ABCC4: variants seen among roughly 807,000 people sequenced by gnomAD.
ABCC4 encodes ATP-binding cassette sub-family C member 4.
ABCC4 carries 102 observed loss-of-function variants against 168.5 expected under a neutral mutation model. The observed-to-expected ratio is 0.61, with a 90% CI of 0.52 to 0.71. ABCC4 has a LOEUF of 0.71. Among genes scored for constraint, ABCC4 ranks in the 30% least tolerant of loss-of-function variants. ABCC4 has a pLI of 0.00. For missense variants in ABCC4, 1,402 were observed against 1,605.8 expected, an observed-to-expected ratio of 0.87 and a Z score of 2.17; for synonymous variants, 617 against 590.7, an observed-to-expected ratio of 1.04 and a Z score of -0.65.
chr13:95,039,405 T>G (rs1409924725), intron 29 of ABCC4, among the ~76,000 whole-genome samples: 1 of 152,230 alleles, frequency 6.6e-6, no homozygotes, highest in Non-Finnish European at 1.5e-5. Context: ...CTGAATTTTC[T>G]TTTTGTACAG....
rs542037006 is a variant in ABCC4 at position 95,214,743 on chromosome 13, G to A, written c.532-3962C>T. Among the ~76,000 whole-genome samples the A allele has an allele frequency of 1.4e-3, 207 of 152,018 alleles. 1 individual carries two copies. Among genetic ancestry groups the A allele is most frequent in the African/African-American group, 4.8e-3 (197 of 41,448 alleles). ...TCTACTAAAAATACAAAAATTAGCC[G>A]GGCACAGTGGTGGGCACCTGTAATT... is the stretch of plus-strand genomic sequence containing the variant. On this transcript the variant is annotated intron_variant, in intron 4 of 30. Transcript: ENST00000645237.
At chr13:95,181,396 C>T (rs1296591930) in intron 11 of ABCC4, among the ~76,000 whole-genome samples, 2 of 152,236 alleles carry the variant, frequency 1.3e-5, no homozygotes, top group Non-Finnish European at 2.9e-5. Context: ...CCCTTCCTGT[C>T]ATAGCTTATC....
At position 95,021,415 on chromosome 13, in the gene ABCC4, G is replaced by A; in HGVS notation, c.*160C>T. On this transcript the variant is annotated 3_prime_UTR_variant, in exon 31 of 31. Transcript: ENST00000645237. ...AATAAAAATAAACCATTTTGTTAGAGCTGGAGATCCTTGGATAAGTTGGGA... is the reference window on the plus strand; with the variant it reads ...AATAAAAATAAACCATTTTGTTAGAACTGGAGATCCTTGGATAAGTTGGGA... The A allele has an allele frequency of 7.3e-6, 4 of 548,948 alleles. No individual in the cohort carries two copies. The highest frequency in any genetic ancestry group is 9.7e-6 in the Non-Finnish European group (3 of 309,078). 34.0% of individuals were successfully genotyped at this position (548,948 alleles called of 1,614,324 possible). A position where few individuals can be genotyped will look rare whatever the true frequency, so the allele number is the denominator to read the frequency against.
At chr13:95,093,272 C>G (rs764196975) in intron 20 of ABCC4, among the ~76,000 whole-genome samples, 2 of 152,088 alleles carry the variant, frequency 1.3e-5, no homozygotes, top group Non-Finnish European at 2.9e-5. Flanking sequence ...CCTTGATGAA[C>G]ATAGATGCTA....
intron 6 of ABCC4, 54 bp downstream of exon 6, chr13:95,209,380 A>C: frequency 6.4e-7 from 1 of 1,564,114 alleles, no homozygotes. Context: ...CATTGGGAAG[A>C]CTGTGGATGT....
chr13:95,059,389 T>C (rs1273687709), intron 26 of ABCC4, among the ~76,000 whole-genome samples: 1 of 152,236 alleles, frequency 6.6e-6, no homozygotes, highest in Non-Finnish European at 1.5e-5. Flanking sequence ...TCACTACTTG[T>C]GTAACTTGTC....
rs762958479 is a variant in ABCC4 at position 95,073,187 on chromosome 13, G to T, written c.3018+17C>A. The T allele has an allele frequency of 3.1e-6, 5 of 1,594,170 alleles. No homozygotes were observed. Among genetic ancestry groups the T allele is most frequent in the East Asian group, 2.2e-5 (1 of 44,664 alleles). ...CAAGGAGATTGAAAAGGCAAAGAAC[G>T]TGAAGGTAAATATTACCATATTCTC... On this transcript the variant is annotated intron_variant, in intron 24 of 30. Transcript: ENST00000645237.
chr13:95,201,245 A>G (rs1317845442), intron 8 of ABCC4, among the ~76,000 whole-genome samples: 1 of 152,220 alleles, frequency 6.6e-6, no homozygotes, highest in Non-Finnish European at 1.5e-5. Context: ...CAGGAATTTC[A>G]AGCCTTAGAC....
chr13:95,029,414 C>T (rs2031760619), intron 30 of ABCC4, among the ~76,000 whole-genome samples: 1 of 151,780 alleles, frequency 6.6e-6, no homozygotes, highest in Admixed American at 6.6e-5. Context: ...GCTATATATG[C>T]ACAGATGCTT....
At chr13:95,154,018 C>T (rs1033055550) in intron 19 of ABCC4, among the ~76,000 whole-genome samples, 4 of 152,004 alleles carry the variant, frequency 2.6e-5, no homozygotes, top group Non-Finnish European at 4.4e-5. Context: ...TGTGATAACC[C>T]GACAGGATTT....
At chr13:95,080,356 A>AGAGTGCATAAATGAT (rs2034050780) in intron 21 of ABCC4, among the ~76,000 whole-genome samples, 3 of 151,754 alleles carry the variant, frequency 2.0e-5, no homozygotes, top group African/African-American at 7.3e-5. Flanking sequence ...ACTCTTGCAA[A>AGAGTGCATAAATGAT]CATAAAATGA....
chr13:95,025,421 T>C (rs189707184), intron 30 of ABCC4, among the ~76,000 whole-genome samples: 1 of 12,830 alleles, frequency 7.8e-5, no homozygotes, highest in Non-Finnish European at 1.6e-4. Context: ...CACACACCCA[T>C]ACACACCCAC....
chr13:95,235,803 G>A (rs1448125117), intron 3 of ABCC4, among the ~76,000 whole-genome samples: 2 of 152,132 alleles, frequency 1.3e-5, no homozygotes, highest in African/African-American at 4.8e-5. Context: ...GCCCGGATGT[G>A]CCCAGAAGAA....
chr13:95,166,854 T>C (rs58060389), intron 14 of ABCC4, among the ~76,000 whole-genome samples: 1,874 of 152,160 alleles, frequency 0.012, 28 homozygotes, highest in African/African-American at 0.043. Flanking sequence ...GACTTGGACA[T>C]AGACCCCATG....
At chr13:95,058,206 C>T (rs1280322808) in intron 26 of ABCC4, among the ~76,000 whole-genome samples, 4 of 152,122 alleles carry the variant, frequency 2.6e-5, no homozygotes, top group Non-Finnish European at 5.9e-5. Flanking sequence ...ACCTAACTGT[C>T]CAAATGACAG....
intron 19 of ABCC4, among the ~76,000 whole-genome samples, chr13:95,120,701 G>A (rs971637761): frequency 6.6e-6 from 1 of 152,150 alleles, no homozygotes; most frequent in African/African-American, 2.4e-5. Context: ...GGCAAAGGTA[G>A]GATGGGGGAA....
intron 25 of ABCC4, among the ~76,000 whole-genome samples, chr13:95,070,383 G>A (rs12853981): frequency 0.16 from 24,680 of 152,098 alleles, 2,432 homozygotes; most frequent in East Asian, 0.28. Flanking sequence ...TGCAGGGGAT[G>A]TGTGTCCATA....
intron 19 of ABCC4, among the ~76,000 whole-genome samples, chr13:95,145,879 C>T (rs1209519181): frequency 2.0e-5 from 3 of 152,110 alleles, no homozygotes. Context: ...TTTTCACTTA[C>T]AAACAGGAGC....
intron 13 of ABCC4, among the ~76,000 whole-genome samples, chr13:95,175,294 AC>A (rs2037632779): frequency 6.6e-6 from 1 of 151,848 alleles, no homozygotes; most frequent in African/African-American, 2.4e-5. Context: ...TGAACAGAGA[AC>A]CTTTTTTAAA....
Sources: gnomAD v4.1 joint callset for allele counts (sites outside exome capture counted in the v4.1 genomes callset) on GRCh38, gnomAD v4.1.1 for gene constraint, MANE v1.5 for transcripts, NCBI Gene and HGNC (gene_info 2026-07-23, HGNC 2026-07-21) for gene names.